USP53: variants seen among roughly 807,000 people sequenced by gnomAD.
USP53 encodes ubiquitin specific peptidase 53, also known as ubiquitin carboxyl-terminal hydrolase 53.
Under a neutral mutation model 94.9 loss-of-function variants are expected in USP53, and 71 were observed. That is an observed-to-expected ratio of 0.75 (90% CI 0.62 to 0.91). The LOEUF is 0.91. Among genes scored for constraint, USP53 ranks in the 40% least tolerant of loss-of-function variants. The pLI is 0.00. For synonymous variants in USP53, 375 were observed against 422.7 expected (o/e 0.89, Z 1.39); for missense variants, 1,173 against 1,281.0 (o/e 0.92, Z 1.29).
intron 17 of USP53, among the ~76,000 whole-genome samples, chr4:119,279,428 G>T (rs1189662235): frequency 2.7e-5 from 4 of 149,884 alleles, no homozygotes; most frequent in Non-Finnish European, 4.5e-5. Context: ...TCAGGGGTCA[G>T]GGACCCACTT....
chr4:119,283,451 G>C (rs1753732965), intron 17 of USP53, among the ~76,000 whole-genome samples: 1 of 151,886 alleles, frequency 6.6e-6, no homozygotes, highest in Admixed American at 6.6e-5. Flanking sequence ...ATGGTATACT[G>C]TAATTTGCAT....
At chr4:119,270,369 A>G (rs1751696115) in intron 15 of USP53, among the ~76,000 whole-genome samples, 1 of 152,088 alleles carries the variant, frequency 6.6e-6, no homozygotes, top group Non-Finnish European at 1.5e-5. Flanking sequence ...AAGTGCTGGG[A>G]TTACAGGGGT....
rs143032540 is a variant in USP53, at chr4:119,252,925, T to C, written c.373-3321T>C. 3.8e-3 allele frequency among the ~76,000 whole-genome samples: 584 copies of C among 152,306 alleles called. 7 individuals are homozygous for C. The highest frequency in any genetic ancestry group is 0.013 in the African/African-American group (546 of 41,556). ...CTTAAATGTGTCCCAGAGATTTGGG[T>C]ACATTGTGTCTTTGTTCTCATTGGT... is the stretch of plus-strand genomic sequence containing the variant. On this transcript the variant is annotated intron_variant, in intron 7 of 18. Transcript: ENST00000692078.
chr4:119,234,453 A>G (rs567537587), intron 3 of USP53, among the ~76,000 whole-genome samples: 10 of 152,286 alleles, frequency 6.6e-5, no homozygotes, highest in Admixed American at 3.9e-4. Context: ...ATATTTTTAA[A>G]TTATCTGTTT....
intron 17 of USP53, 135 bp downstream of exon 17, chr4:119,273,843 A>G: frequency 1.5e-6 from 1 of 658,318 alleles, no homozygotes; most frequent in South Asian, 2.4e-5. Flanking sequence ...AATATCAATA[A>G]ACAAGTTTTA....
intron 5 of USP53, among the ~76,000 whole-genome samples, chr4:119,244,482 TTTGTTGTAATAGTAGTAACAGCCAC>T (rs1747959305): frequency 2.0e-5 from 3 of 152,210 alleles, no homozygotes; most frequent in Non-Finnish European, 4.4e-5. Context: ...ATCTTATTTG[TTTGTTGTAATAGTAGTAACAGCCAC>T]AAATAGCAGC....
Position 119,248,872 on chromosome 4 carries a change from C to T in USP53, c.362C>T (p.Ala121Val), listed in dbSNP as rs138336905. 840 of 1,613,930 alleles carry T rather than the reference C, an allele frequency of 5.2e-4. 2 individuals are homozygous for T. Among genetic ancestry groups the T allele is most frequent in the Middle Eastern group, 3.8e-3 (23 of 6,020 alleles). ...RFQLGLMDDAAECFENMLERI... is the reference protein window; with the variant it reads ...RFQLGLMDDAVECFENMLERI... ...CAACTTGGCCTTATGGATGATGCTG[C>T]GGAGTGCTTTGTAAGTGTTTCTGAT... The change falls in exon 7 of 19, where the codon GCG becomes GTG. Residue 121 changes from alanine (A) to valine (V), a missense_variant. Ala to Val is a moderately conservative substitution (Grantham distance 64, BLOSUM62 0). Transcript: ENST00000692078.
At chr4:119,279,635 C>G (rs1271160608) in intron 17 of USP53, among the ~76,000 whole-genome samples, 9 of 151,936 alleles carry the variant, frequency 5.9e-5, no homozygotes, top group East Asian at 2.0e-4. Flanking sequence ...CCACCCAGTT[C>G]GAGCTTCCTG....
At chr4:119,222,286 G>C (rs1244001625) in intron 3 of USP53, among the ~76,000 whole-genome samples, 1 of 152,120 alleles carries the variant, frequency 6.6e-6, no homozygotes, top group African/African-American at 2.4e-5. Flanking sequence ...ATCGCCTTAA[G>C]CGTTTGTTTC....
intron 2 of USP53, among the ~76,000 whole-genome samples, chr4:119,215,950 A>G (rs1368538140): frequency 6.6e-6 from 1 of 152,228 alleles, no homozygotes; most frequent in Non-Finnish European, 1.5e-5. Flanking sequence ...ATTACAAAAA[A>G]GAAGTTTTAA....
rs576107961 is a variant in USP53 at position 119,257,182 on chromosome 4, C to T, written c.569+659C>T. Among the ~76,000 whole-genome samples, 58 of 152,242 alleles carry T rather than the reference C, an allele frequency of 3.8e-4. No individual in the cohort carries two copies. In the South Asian group the frequency reaches 0.012, roughly 31 times the overall value. ...TGTGGCTGGGCACAGTGGCTCATGC[C>T]TGTAATCCTAGTACATTGGGAGGCC... On this transcript the variant is annotated intron_variant, in intron 9 of 18. Transcript: ENST00000692078.
intron 14 of USP53, 45 bp downstream of exon 14, chr4:119,268,465 C>A: frequency 1.3e-6 from 2 of 1,525,686 alleles, no homozygotes; most frequent in South Asian, 1.3e-5. Flanking sequence ...AAGTGAGTGT[C>A]CTCCTTTCTT....
intron 11 of USP53, 70 bp downstream of exon 11, chr4:119,260,723 A>C: frequency 1.3e-6 from 2 of 1,560,284 alleles, no homozygotes; most frequent in East Asian, 4.5e-5. Context: ...CTGATGTTTT[A>C]TCTGATAACG....
chr4:119,220,555 G>A (rs1744375695), intron 3 of USP53: 1 of 152,168 alleles, frequency 6.6e-6, no homozygotes, highest in African/African-American at 2.4e-5. Context: ...CAAGCCATAA[G>A]TGAACTTCTG....
At chr4:119,265,672 A>ACAACAG (rs1333655891) in intron 12 of USP53, among the ~76,000 whole-genome samples, 1 of 148,910 alleles carries the variant, frequency 6.7e-6, no homozygotes, top group Non-Finnish European at 1.5e-5. Context: ...TTTTCTCAAA[A>ACAACAG]CAACAACAAC....
rs1749170428 is a variant in USP53, at chr4:119,252,570, G to A, written c.373-3676G>A. On this transcript the variant is annotated intron_variant, in intron 7 of 18. Transcript: ENST00000692078. The stretch of plus-strand genomic sequence containing the variant: ...TGGTAGTTTATATTCCTGTGGGATC[G>A]GTGGTGATATCCCTTTATGATTTTT... 2.0e-5 allele frequency among the ~76,000 whole-genome samples: 3 copies of A among 152,006 alleles called. No individual in the cohort carries two copies. In the South Asian group the frequency reaches 6.2e-4, roughly 32 times the overall value.
chr4:119,259,296 G>GT lies in USP53; in HGVS notation c.570-524_570-523insT, dbSNP rs1460889601. Among the ~76,000 whole-genome samples the GT allele has an allele frequency of 9.1e-3, 1,224 of 134,390 alleles. 20 individuals carry two copies. Among genetic ancestry groups the GT allele is most frequent in the African/African-American group, 0.035 (1,144 of 32,940 alleles). 88.2% of individuals were successfully genotyped at this position (134,390 alleles called of 152,430 possible). A position where few individuals can be genotyped will look rare whatever the true frequency, so the allele number is the denominator to read the frequency against. On this transcript the variant is annotated intron_variant, in intron 9 of 18. Coordinates refer to ENST00000692078, the MANE Select transcript of USP53 (RefSeq NM_001371395.1). ...ACCCCATCTCAAAAAAAAAAAAAAA[G>GT]GGGGGGGAGTAATATTCAAAATAAG...
At chr4:119,253,934 A>G (rs1326528184) in intron 7 of USP53, among the ~76,000 whole-genome samples, 1 of 152,132 alleles carries the variant, frequency 6.6e-6, no homozygotes, top group African/African-American at 2.4e-5. Flanking sequence ...GTATCTCAGC[A>G]TTTGCTTGTC....
chr4:119,274,343 C>T (rs1374017512), intron 17 of USP53, among the ~76,000 whole-genome samples: 2 of 149,246 alleles, frequency 1.3e-5, no homozygotes, highest in Non-Finnish European at 3.0e-5. Flanking sequence ...TGAGAATATG[C>T]CGTGTTTGGT....
Sources: gnomAD v4.1 joint callset for allele counts (sites outside exome capture counted in the v4.1 genomes callset) on GRCh38, gnomAD v4.1.1 for gene constraint, MANE v1.5 for transcripts, NCBI Gene and HGNC (gene_info 2026-07-23, HGNC 2026-07-21) for gene names.